Variants in RBFOX3 observed in about 807,000 individuals in gnomAD.
RBFOX3 encodes RNA binding protein fox-1 homolog 3.
Under a neutral mutation model 48.7 loss-of-function variants are expected in RBFOX3, and 17 were observed. The observed-to-expected ratio is 0.35, with a 90% CI of 0.24 to 0.52. RBFOX3 has a LOEUF of 0.52. Among genes scored for constraint, RBFOX3 ranks in the 20% least tolerant of loss-of-function variants. The probability of loss-of-function intolerance (pLI) is 0.94; values close to 1 mark genes in which losing one functional copy is unlikely to be tolerated. For synonymous variants in RBFOX3, 212 were observed against 209.5 expected (o/e 1.01, Z -0.10); for missense variants, 382 against 497.5 (o/e 0.77, Z 2.21).
At chr17:79,558,481 A>G (rs1211106355) in intron 1 of RBFOX3, among the ~76,000 whole-genome samples, 2 of 151,822 alleles carry the variant, frequency 1.3e-5, no homozygotes, top group African/African-American at 4.8e-5. Context: ...GATGGGGAGG[A>G]TCTTCCAAAG....
At chr17:79,191,618 C>T (rs2054543712) in intron 4 of RBFOX3, among the ~76,000 whole-genome samples, 1 of 152,204 alleles carries the variant, frequency 6.6e-6, no homozygotes, top group Non-Finnish European at 1.5e-5. Flanking sequence ...AGGGGCCGGG[C>T]CATGGAGTGA....
At chr17:79,250,016 G>T (rs1194118807) in intron 3 of RBFOX3, among the ~76,000 whole-genome samples, 2 of 152,194 alleles carry the variant, frequency 1.3e-5, no homozygotes, top group Non-Finnish European at 2.9e-5. Flanking sequence ...ATGCTTCCCT[G>T]GTGGTAAGGA....
intron 12 of RBFOX3, among the ~76,000 whole-genome samples, chr17:79,095,889 G>T (rs958524451): frequency 6.6e-6 from 1 of 152,218 alleles, no homozygotes; most frequent in African/African-American, 2.4e-5. Context: ...ACATTAGCGG[G>T]TACCCATGAC....
intron 4 of RBFOX3, among the ~76,000 whole-genome samples, chr17:79,147,203 A>G (rs2043218034): frequency 6.6e-6 from 1 of 152,192 alleles, no homozygotes; most frequent in African/African-American, 2.4e-5. Context: ...AGTCAGGAGG[A>G]CACTGTGGTC....
chr17:79,451,007 G>C (rs1555741311), intron 2 of RBFOX3, among the ~76,000 whole-genome samples: 1 of 152,172 alleles, frequency 6.6e-6, no homozygotes. Context: ...TCTCATCCGA[G>C]AGCTCTGACT....
At chr17:79,368,352 G>A (rs1291797504) in intron 2 of RBFOX3, among the ~76,000 whole-genome samples, 6 of 152,206 alleles carry the variant, frequency 3.9e-5, no homozygotes, top group African/African-American at 1.4e-4. Context: ...CATCCAGGTG[G>A]GGGACCAGGA....
intron 2 of RBFOX3, among the ~76,000 whole-genome samples, chr17:79,458,155 T>C (rs1454286345): frequency 2.0e-5 from 3 of 152,208 alleles, no homozygotes; most frequent in African/African-American, 7.2e-5. Context: ...CAGGCCCACA[T>C]GGTAGGCAGG....
rs570499283 is a variant in RBFOX3, at chr17:79,271,957, A to G, written c.-74+35767T>C. On this transcript the variant is annotated intron_variant, in intron 3 of 14. Coordinates refer to ENST00000693108, the MANE Select transcript of RBFOX3 (RefSeq NM_001350451.2). ...GCCGGCCACAGAGGGCCGGCCAGTT[A>G]TTCAGCACTGAGCTGGCCCTTCCCG... 4.8e-3 allele frequency among the ~76,000 whole-genome samples: 729 copies of G among 152,336 alleles called. 7 individuals are homozygous for G. Among genetic ancestry groups the G allele is most frequent in the Non-Finnish European group, 5.0e-3 (340 of 68,032 alleles).
chr17:79,427,180 C>G (rs1200907594), intron 2 of RBFOX3, among the ~76,000 whole-genome samples: 13 of 152,178 alleles, frequency 8.5e-5, no homozygotes, highest in African/African-American at 2.9e-4. Context: ...GGACGGGGGG[C>G]CCCTGCCCAG....
chr17:79,357,761 A>C (rs1321422133), intron 2 of RBFOX3, among the ~76,000 whole-genome samples: 1 of 151,730 alleles, frequency 6.6e-6, no homozygotes, highest in African/African-American at 2.4e-5. Context: ...CGTTTGTTGA[A>C]TTTGTAAAAA....
chr17:79,365,642 C>T (rs915727863), intron 2 of RBFOX3, among the ~76,000 whole-genome samples: 2 of 152,216 alleles, frequency 1.3e-5, no homozygotes, highest in Admixed American at 6.5e-5. Flanking sequence ...ACATGAATCA[C>T]CAGCATATTT....
At chr17:79,282,729 G>A (rs527269709) in intron 3 of RBFOX3, among the ~76,000 whole-genome samples, 4 of 152,312 alleles carry the variant, frequency 2.6e-5, no homozygotes, top group South Asian at 2.1e-4. Context: ...TCTGGGCATC[G>A]GGGGCCTCAG....
intron 11 of RBFOX3, 109 bp downstream of exon 11, chr17:79,097,183 C>CG (rs2075475945): frequency 1.1e-6 from 1 of 891,344 alleles, no homozygotes; most frequent in South Asian, 2.0e-5. Flanking sequence ...TCCCCCCCCC[C>CG]AGGTCTGGAA....
chr17:79,396,073 C>T (rs1288609461), intron 2 of RBFOX3, among the ~76,000 whole-genome samples: 2 of 152,228 alleles, frequency 1.3e-5, no homozygotes, highest in African/African-American at 2.4e-5. Flanking sequence ...GAGTCCTTCC[C>T]CAGAACTCTG....
At chr17:79,148,321 C>T (rs1329132504) in intron 4 of RBFOX3, among the ~76,000 whole-genome samples, 1 of 152,244 alleles carries the variant, frequency 6.6e-6, no homozygotes, top group Non-Finnish European at 1.5e-5. Context: ...CACTCAGAAA[C>T]TCTTTCCTGG....
intron 1 of RBFOX3, among the ~76,000 whole-genome samples, chr17:79,566,100 T>C (rs1481549088): frequency 6.6e-6 from 1 of 152,182 alleles, no homozygotes; most frequent in Non-Finnish European, 1.5e-5. Context: ...CTCTGCCACC[T>C]GCGCCCCATC....
At chr17:79,285,630 C>A (rs912447991) in intron 3 of RBFOX3, among the ~76,000 whole-genome samples, 1 of 152,126 alleles carries the variant, frequency 6.6e-6, no homozygotes, top group Non-Finnish European at 1.5e-5. Flanking sequence ...GTGCCAGAAA[C>A]CACCTGCTCC....
intron 1 of RBFOX3, among the ~76,000 whole-genome samples, chr17:79,510,847 G>C (rs2084055715): frequency 6.6e-6 from 1 of 152,090 alleles, no homozygotes; most frequent in African/African-American, 2.4e-5. Context: ...GAGCACCTGG[G>C]GCTTCCACCA....
At chr17:79,106,149 C>T (rs1379357217) in intron 6 of RBFOX3, among the ~76,000 whole-genome samples, 1 of 152,042 alleles carries the variant, frequency 6.6e-6, no homozygotes, top group Admixed American at 6.5e-5. Context: ...GGGACACAGG[C>T]CCGGAGAGGT....
Sources: gnomAD v4.1 joint callset for allele counts (sites outside exome capture counted in the v4.1 genomes callset) on GRCh38, gnomAD v4.1.1 for gene constraint, MANE v1.5 for transcripts, NCBI Gene and HGNC (gene_info 2026-07-23, HGNC 2026-07-21) for gene names.